R3HDM1: variants seen among roughly 807,000 people sequenced by gnomAD.
The protein encoded by R3HDM1 is R3H domain-containing protein 1.
Under a neutral mutation model 141.1 loss-of-function variants are expected in R3HDM1, and 46 were observed. The observed-to-expected ratio is 0.33, with a 90% CI of 0.26 to 0.42. R3HDM1 has a LOEUF of 0.42. Ranked by LOEUF, R3HDM1 falls within the 10% of genes least tolerant of loss-of-function variation. R3HDM1 has a pLI of 1.00. For synonymous variants in R3HDM1, 435 were observed against 472.9 expected, an observed-to-expected ratio of 0.92 and a Z score of 1.04; for missense variants, 1,184 against 1,368.3, an observed-to-expected ratio of 0.87 and a Z score of 2.12.
At chr2:135,612,294 T>C (rs1448369961) in intron 3 of R3HDM1, among the ~76,000 whole-genome samples, 1 of 152,218 alleles carries the variant, frequency 6.6e-6, no homozygotes, top group African/African-American at 2.4e-5. Flanking sequence ...GTACTGAGAA[T>C]TCGTAACCTC....
Position 135,586,612 on chromosome 2 carries a change from A to G in R3HDM1, c.-249-15888A>G, listed in dbSNP as rs570082062. 93 of 790,746 alleles carry G rather than the reference A, an allele frequency of 1.2e-4. No individual in the cohort carries two copies. In the African/African-American group the frequency reaches 1.6e-3, roughly 14 times the overall value. 49.0% of individuals were successfully genotyped at this position (790,746 alleles called of 1,614,324 possible). A position where few individuals can be genotyped will look rare whatever the true frequency, so the allele number is the denominator to read the frequency against. On this transcript the variant is annotated intron_variant, in intron 1 of 26. Coordinates refer to ENST00000683871, the MANE Select transcript of R3HDM1 (RefSeq NM_001378107.1). ...ATTTTTGTTAGAGGATGTGTGATAA[A>G]ATTCTACTATATTGAAAGTGAGAGC...
intron 1 of R3HDM1, among the ~76,000 whole-genome samples, chr2:135,538,299 A>T (rs1482519489): frequency 6.6e-6 from 1 of 152,226 alleles, no homozygotes; most frequent in African/African-American, 2.4e-5. Flanking sequence ...GGCACTTACC[A>T]TGAATGTGGC....
At chr2:135,697,856 C>A (rs2105397561) in intron 21 of R3HDM1, among the ~76,000 whole-genome samples, 2 of 152,032 alleles carry the variant, frequency 1.3e-5, no homozygotes, top group South Asian at 4.2e-4. Context: ...GAGTTTGAGA[C>A]CAGCCTGACC....
intron 19 of R3HDM1, among the ~76,000 whole-genome samples, chr2:135,663,504 G>A (rs985218544): frequency 6.6e-6 from 1 of 151,992 alleles, no homozygotes; most frequent in African/African-American, 2.4e-5. Context: ...AAGAATAAAA[G>A]GAATAAATCC....
At chr2:135,620,393 G>T in intron 5 of R3HDM1, 1 of 836,312 alleles carries the variant, frequency 1.2e-6, no homozygotes, top group Non-Finnish European at 1.4e-6. Context: ...TTACTTACTG[G>T]TTGATGAGTG....
intron 7 of R3HDM1, among the ~76,000 whole-genome samples, chr2:135,624,754 T>C (rs1415264703): frequency 2.0e-5 from 3 of 152,162 alleles, no homozygotes; most frequent in Admixed American, 2.0e-4. Context: ...TTTAGAAAGA[T>C]TATTTTGGCA....
intron 21 of R3HDM1, among the ~76,000 whole-genome samples, chr2:135,702,605 A>G (rs1030391599): frequency 1.3e-5 from 2 of 149,774 alleles, no homozygotes; most frequent in South Asian, 4.3e-4. Context: ...AGCCGAGGTC[A>G]TGACACTGCA....
intron 26 of R3HDM1, 64 bp downstream of exon 26, chr2:135,722,617 C>A: frequency 6.8e-7 from 1 of 1,465,172 alleles, no homozygotes; most frequent in Non-Finnish European, 9.4e-7. Flanking sequence ...AAATACACCA[C>A]AGCACAGAAA....
intron 9 of R3HDM1, 99 bp from the exon 10 acceptor site, chr2:135,635,791 C>CT: frequency 7.0e-7 from 1 of 1,425,124 alleles, no homozygotes; most frequent in South Asian, 1.5e-5. Flanking sequence ...AAAGTGGTAA[C>CT]TTATTTTATT....
At chr2:135,660,162 G>A (rs1244223520) in intron 18 of R3HDM1, among the ~76,000 whole-genome samples, 1 of 152,152 alleles carries the variant, frequency 6.6e-6, no homozygotes, top group Non-Finnish European at 1.5e-5. Flanking sequence ...AAAACAACAT[G>A]AATTGCAAAA....
chr2:135,714,785 A>G (rs1041806182), intron 23 of R3HDM1, among the ~76,000 whole-genome samples: 54 of 151,952 alleles, frequency 3.6e-4, no homozygotes, highest in African/African-American at 1.1e-3. Context: ...ACACACACAC[A>G]CACACAGAGA....
At chr2:135,589,949 A>G (rs1263293237) in intron 1 of R3HDM1, among the ~76,000 whole-genome samples, 3 of 152,134 alleles carry the variant, frequency 2.0e-5, no homozygotes, top group Non-Finnish European at 4.4e-5. Context: ...ATTCATGTAT[A>G]GGCTTCTAGA....
intron 7 of R3HDM1, among the ~76,000 whole-genome samples, chr2:135,625,355 G>T (rs1039934327): frequency 1.7e-4 from 26 of 152,116 alleles, no homozygotes; most frequent in African/African-American, 6.0e-4. Flanking sequence ...TGAAGCAGGA[G>T]AACTGCTTGA....
At chr2:135,685,393 T>G (rs2071158172) in intron 21 of R3HDM1, among the ~76,000 whole-genome samples, 1 of 152,176 alleles carries the variant, frequency 6.6e-6, no homozygotes, top group Non-Finnish European at 1.5e-5. Context: ...CAAATTGAGT[T>G]TATAAATAGT....
intron 18 of R3HDM1, among the ~76,000 whole-genome samples, chr2:135,659,761 A>C (rs952834461): frequency 7.2e-5 from 11 of 152,208 alleles, no homozygotes; most frequent in African/African-American, 1.2e-4. Context: ...TTCTGAAATA[A>C]TAGTTAAAAA....
At chr2:135,578,567 T>C (rs1706041229) in intron 1 of R3HDM1, among the ~76,000 whole-genome samples, 1 of 152,226 alleles carries the variant, frequency 6.6e-6, no homozygotes, top group South Asian at 2.1e-4. Context: ...GCCCAAAATG[T>C]AATGCAAGCA....
chr2:135,686,553 C>T (rs313524), intron 21 of R3HDM1, among the ~76,000 whole-genome samples: 74,718 of 151,974 alleles, frequency 0.49, 23,074 homozygotes, highest in East Asian at 0.88. Flanking sequence ...CTGAGCAACA[C>T]AGGGAGACCC....
intron 20 of R3HDM1, among the ~76,000 whole-genome samples, chr2:135,676,533 A>T (rs1354047707): frequency 6.6e-6 from 1 of 152,130 alleles, no homozygotes; most frequent in Non-Finnish European, 1.5e-5. Context: ...GGCCAGGGCC[A>T]GGTGCAGTGG....
intron 1 of R3HDM1, among the ~76,000 whole-genome samples, chr2:135,582,287 C>T (rs1255503105): frequency 1.3e-5 from 2 of 152,136 alleles, no homozygotes. Flanking sequence ...GCCGAGATTG[C>T]ACCATTGCAC....
Sources: allele counts gnomAD v4.1 joint callset (sites outside exome capture counted in the v4.1 genomes callset), GRCh38; gene constraint gnomAD v4.1.1; transcripts MANE v1.5; gene names NCBI Gene and HGNC (gene_info 2026-07-23, HGNC 2026-07-21).